ZNF503: variants seen among roughly 807,000 people sequenced by gnomAD.
The protein encoded by ZNF503 is NocA-like zinc finger 2.
In ZNF503, 15 loss-of-function variants were observed where a neutral mutation model predicts 34.4. That is an observed-to-expected ratio of 0.44 (90% CI 0.29 to 0.67). ZNF503 has a LOEUF of 0.67. Among genes scored for constraint, ZNF503 ranks in the 30% least tolerant of loss-of-function variants. The probability of loss-of-function intolerance (pLI) is 0.13; values close to 1 mark genes in which losing one functional copy is unlikely to be tolerated. For synonymous variants in ZNF503, 580 were observed against 456.8 expected (o/e 1.27, Z -3.44); for missense variants, 1,007 against 926.8 (o/e 1.09, Z -1.12).
At chr10:75,364,648 G>A in the ZNF503 span, among the ~76,000 whole-genome samples, 3 of 152,230 alleles carry the variant, frequency 2.0e-5, no homozygotes, top group East Asian at 3.9e-4. Context: ...GGGCAAAATA[G>A]AGGGCCCCAA....
At chr10:75,368,964 T>G in the ZNF503 span, among the ~76,000 whole-genome samples, 48 of 152,254 alleles carry the variant, frequency 3.2e-4, no homozygotes, top group Non-Finnish European at 5.4e-4. Context: ...GTATTCCATA[T>G]GACTGAGAAT....
the ZNF503 span, among the ~76,000 whole-genome samples, chr10:75,378,683 A>G: frequency 2.6e-5 from 4 of 152,132 alleles, no homozygotes; most frequent in Non-Finnish European, 4.4e-5. Flanking sequence ...CATTCATCCT[A>G]GGTCAGCCTC....
In ZNF503 at chr10:75,400,093, CCCGCCACCGCCA is replaced by C. The variant is rs745636128; in HGVS notation, c.585_596del (p.Gly201_Gly204del). Reference sequence around the variant, plus strand: ...CCGACGAAACACCCCCGCCGCCGCCCCCGCCACCGCCACCGCCTCCACCGCCGCCTCCCGGCT... The same window carrying C: ...CCGACGAAACACCCCCGCCGCCGCCCCCGCCTCCACCGCCGCCTCCCGGCT... On this transcript the variant is annotated inframe_deletion, in exon 2 of 2. Transcript: ENST00000372524. 2.6e-6 allele frequency: 4 copies of C among 1,545,750 alleles called. No homozygotes were observed. Among genetic ancestry groups the C allele is most frequent in the African/African-American group, 2.7e-5 (2 of 72,934 alleles).
At chr10:75,345,758 G>A in the ZNF503 span, among the ~76,000 whole-genome samples, 1 of 152,132 alleles carries the variant, frequency 6.6e-6, no homozygotes. Flanking sequence ...AGGCTTAGAT[G>A]CTTGTTATGG....
At chr10:75,287,570 C>T in the ZNF503 span, among the ~76,000 whole-genome samples, 4 of 152,224 alleles carry the variant, frequency 2.6e-5, no homozygotes, top group African/African-American at 9.6e-5. Context: ...ACCTACTTAC[C>T]AGGGTCTGGC....
upstream of ZNF503, chr10:75,401,792 T>G (rs951758726): frequency 7.6e-6 from 2 of 262,276 alleles, no homozygotes; most frequent in East Asian, 1.0e-4. Flanking sequence ...CAAAAGCAGC[T>G]GCACCAAGGG....
At chr10:75,361,397 T>C in the ZNF503 span, 1 of 152,304 alleles carries the variant, frequency 6.6e-6, no homozygotes, top group South Asian at 2.1e-4. Context: ...CTAGATCCAG[T>C]CTCAGCCCTC....
downstream of ZNF503, among the ~76,000 whole-genome samples, chr10:75,393,768 A>C (rs1434824514): frequency 1.3e-5 from 2 of 152,174 alleles, no homozygotes; most frequent in Non-Finnish European, 2.9e-5. Context: ...CTGAGGTGGG[A>C]GAATCACTTG....
chr10:75,390,824 G>C, the ZNF503 span, among the ~76,000 whole-genome samples: 1 of 152,156 alleles, frequency 6.6e-6, no homozygotes, highest in Admixed American at 6.5e-5. Flanking sequence ...TAGACTGAGA[G>C]GCTTAAACAA....
At chr10:75,314,023 G>C in the ZNF503 span, among the ~76,000 whole-genome samples, 1 of 152,148 alleles carries the variant, frequency 6.6e-6, no homozygotes, top group Admixed American at 6.6e-5. Flanking sequence ...CAAGACTTCA[G>C]GGAACATGAA....
At chr10:75,395,316 G>A (rs140210247), downstream of ZNF503, among the ~76,000 whole-genome samples, 272 of 152,324 alleles carry the variant, frequency 1.8e-3, 1 homozygote, top group South Asian at 7.5e-3. This position sits in a 1 kb window ranked among gnomAD's most constrained non-coding sequence, Gnocchi z 4.4. Flanking sequence ...CAGGGGAGAC[G>A]GTTCGCAGCA....
chr10:75,367,288 T>C, the ZNF503 span, among the ~76,000 whole-genome samples: 1 of 152,134 alleles, frequency 6.6e-6, no homozygotes, highest in Non-Finnish European at 1.5e-5. Flanking sequence ...AGCTGTCTGT[T>C]CCTAACAACC....
At chr10:75,363,838 A>G in the ZNF503 span, among the ~76,000 whole-genome samples, 1 of 152,204 alleles carries the variant, frequency 6.6e-6, no homozygotes, top group Non-Finnish European at 1.5e-5. Context: ...AACTTTTGTG[A>G]CAATTGAGAA....
At chr10:75,308,147 C>G in the ZNF503 span, among the ~76,000 whole-genome samples, 1 of 150,442 alleles carries the variant, frequency 6.6e-6, no homozygotes, top group African/African-American at 2.5e-5. Flanking sequence ...TAAATCTACT[C>G]TGCCTGTGCT....
the ZNF503 span, among the ~76,000 whole-genome samples, chr10:75,322,798 C>A: frequency 6.6e-6 from 1 of 152,190 alleles, no homozygotes; most frequent in East Asian, 1.9e-4. Flanking sequence ...CTGTATCATG[C>A]CACTGCACTC....
the ZNF503 span, among the ~76,000 whole-genome samples, chr10:75,306,017 T>G: frequency 6.6e-6 from 1 of 152,202 alleles, no homozygotes; most frequent in East Asian, 1.9e-4. Flanking sequence ...TACAGATATC[T>G]CTTCAAGATC....
the ZNF503 span, among the ~76,000 whole-genome samples, chr10:75,290,989 G>T: frequency 6.6e-6 from 1 of 152,134 alleles, no homozygotes; most frequent in Non-Finnish European, 1.5e-5. Flanking sequence ...TCCCTGTAAG[G>T]CCCTTTCATT....
At chr10:75,383,893 A>C in the ZNF503 span, among the ~76,000 whole-genome samples, 1 of 152,250 alleles carries the variant, frequency 6.6e-6, no homozygotes, top group African/African-American at 2.4e-5. Context: ...TTGGTCAATC[A>C]GCATGCCAGC....
Position 75,399,607 on chromosome 10 carries a change from G to A in ZNF503, c.1083C>T (p.Gly361=), listed in dbSNP as rs921390389. The part of the protein sequence containing the change: ...PLPPAGMTYP[G]SLAGAYAGYP... ...AGCCGGCGTAGGCCCCGGCCAGGCT[G>A]CCTGGGTAGGTCATACCCGCGGGAG... The change falls in exon 2 of 2, where the codon GGC becomes GGT. Residue 361 remains glycine, a synonymous_variant. Transcript: ENST00000372524. 13 of 1,597,934 alleles carry A rather than the reference G, an allele frequency of 8.1e-6. No homozygotes were observed. Among genetic ancestry groups the A allele is most frequent in the Non-Finnish European group, 1.1e-5 (13 of 1,179,620 alleles).
Sources: allele counts gnomAD v4.1 joint callset (sites outside exome capture counted in the v4.1 genomes callset), GRCh38; gene constraint gnomAD v4.1.1; non-coding constraint Gnocchi (gnomAD v3.1); transcripts MANE v1.5; gene names NCBI Gene and HGNC (gene_info 2026-07-23, HGNC 2026-07-21).